The following ACYP2 variants were observed in gnomAD, a reference collection of about 807,000 sequenced individuals.
ACYP2 encodes the protein acylphosphatase 2.
ACYP2 carries 12 observed loss-of-function variants against 11.2 expected under a neutral mutation model. That is an observed-to-expected ratio of 1.08 (90% CI 0.69 to 1.74). The LOEUF is 1.74. ACYP2 is among the 40% of genes most tolerant of loss of function. The probability of loss-of-function intolerance (pLI) is 0.00; values close to 1 mark genes in which losing one functional copy is unlikely to be tolerated. For synonymous variants in ACYP2, 43 were observed against 32.2 expected (o/e 1.33, Z -1.13); for missense variants, 134 against 101.9 (o/e 1.31, Z -1.35).
intron 4 of ACYP2, among the ~76,000 whole-genome samples, chr2:54,103,589 T>G (rs1679013792): frequency 6.6e-6 from 1 of 152,234 alleles, no homozygotes; most frequent in Admixed American, 6.5e-5. Flanking sequence ...ACTAAATAGT[T>G]GTATGGCTTA....
At chr2:54,207,655 A>G (rs1685137088) in intron 6 of ACYP2, among the ~76,000 whole-genome samples, 1 of 152,204 alleles carries the variant, frequency 6.6e-6, no homozygotes, top group South Asian at 2.1e-4. Context: ...TAGCATTTTT[A>G]CTAACTTGGA....
intron 6 of ACYP2, among the ~76,000 whole-genome samples, chr2:54,242,101 A>C (rs1055323048): frequency 3.3e-5 from 5 of 152,236 alleles, no homozygotes; most frequent in African/African-American, 1.2e-4. Context: ...TGCAGACGCT[A>C]TGACTATATT....
At chr2:54,086,989 CA>C (rs1431074520) in intron 4 of ACYP2, among the ~76,000 whole-genome samples, 1 of 152,200 alleles carries the variant, frequency 6.6e-6, no homozygotes, top group Non-Finnish European at 1.5e-5. Flanking sequence ...GATCTACAGG[CA>C]ACTAGTAGAG....
At chr2:54,277,976 TTATTTATTTATG>T (rs1688680799) in intron 6 of ACYP2, among the ~76,000 whole-genome samples, 1 of 152,004 alleles carries the variant, frequency 6.6e-6, no homozygotes, top group Non-Finnish European at 1.5e-5. Flanking sequence ...ATTAATTAAT[TTATTTATTTATG>T]TATTTATTTA....
chr2:54,174,418 T>C (rs554511593), intron 6 of ACYP2, among the ~76,000 whole-genome samples: 143 of 152,310 alleles, frequency 9.4e-4, no homozygotes, highest in Admixed American at 1.7e-3. Flanking sequence ...CTTAAGGAGA[T>C]TTTGGGCTGA....
chr2:54,004,645 T>C (rs898588947), intron 2 of ACYP2, among the ~76,000 whole-genome samples: 4 of 149,042 alleles, frequency 2.7e-5, no homozygotes, highest in South Asian at 4.2e-4. Context: ...CTCCTGACCT[T>C]GTGATCGGCC....
chr2:54,180,308 C>A (rs540567150), intron 6 of ACYP2, among the ~76,000 whole-genome samples: 1 of 151,694 alleles, frequency 6.6e-6, no homozygotes, highest in Non-Finnish European at 1.5e-5. Context: ...AATCATTGGC[C>A]ATTGGAGATC....
chr2:53,986,984 G>A (rs1324170677), intron 2 of ACYP2, among the ~76,000 whole-genome samples: 1 of 152,112 alleles, frequency 6.6e-6, no homozygotes, highest in Non-Finnish European at 1.5e-5. Context: ...AACACAAATG[G>A]ACTAGGACAA....
chr2:54,038,693 A>G (rs1424197458), intron 2 of ACYP2, among the ~76,000 whole-genome samples: 2 of 43,336 alleles, frequency 4.6e-5, no homozygotes, highest in African/African-American at 1.4e-4. Flanking sequence ...ATATATATAT[A>G]TATATATATA....
At chr2:54,110,070 G>C (rs1056774883) in intron 4 of ACYP2, among the ~76,000 whole-genome samples, 9 of 152,116 alleles carry the variant, frequency 5.9e-5, no homozygotes, top group Non-Finnish European at 1.3e-4. Flanking sequence ...AGGATTACTA[G>C]TCAGGCATTT....
chr2:54,231,798 G>C (rs927894626), intron 6 of ACYP2, among the ~76,000 whole-genome samples: 2 of 152,066 alleles, frequency 1.3e-5, no homozygotes, highest in East Asian at 3.9e-4. Context: ...CCTGCCTCTC[G>C]GGCACGCCAC....
intron 6 of ACYP2, among the ~76,000 whole-genome samples, chr2:54,176,352 G>C (rs1247818288): frequency 6.6e-6 from 1 of 152,166 alleles, no homozygotes; most frequent in Non-Finnish European, 1.5e-5. Flanking sequence ...CAGCCATCTT[G>C]AACTGTGAGA....
Position 54,200,823 on chromosome 2 carries a change from A to G in ACYP2, c.404+62075A>G, listed in dbSNP as rs190667216. 1.5e-3 allele frequency among the ~76,000 whole-genome samples: 224 copies of G among 152,304 alleles called. 1 individual carries two copies. Among genetic ancestry groups the G allele is most frequent in the African/African-American group, 5.2e-3 (218 of 41,566 alleles). On this transcript the variant is annotated intron_variant, in intron 6 of 6. Coordinates refer to ENST00000607452, the MANE Select transcript of ACYP2 (RefSeq NM_001320586.2). ...CAACTCTATGTTAACTTTTTGAGGA[A>G]CTGCCAGGCTGTTTTCCAAAAGTGT...
At chr2:54,177,771 G>T (rs1334129257) in intron 6 of ACYP2, among the ~76,000 whole-genome samples, 1 of 151,766 alleles carries the variant, frequency 6.6e-6, no homozygotes, top group Admixed American at 6.6e-5. Context: ...TAGAGACAGG[G>T]TTTTACCATG....
chr2:54,036,172 G>A (rs1336601105), intron 2 of ACYP2, among the ~76,000 whole-genome samples: 2 of 152,154 alleles, frequency 1.3e-5, no homozygotes, highest in Non-Finnish European at 2.9e-5. Flanking sequence ...TTGGCTCACT[G>A]TAGCCTCTGC....
At chr2:54,115,969 G>T (rs992398508) in intron 4 of ACYP2, among the ~76,000 whole-genome samples, 1 of 152,040 alleles carries the variant, frequency 6.6e-6, no homozygotes, top group African/African-American at 2.4e-5. Context: ...GGAGGGAAGT[G>T]GGGGAGCGGG....
At chr2:54,153,274 A>T (rs79806462) in intron 6 of ACYP2, among the ~76,000 whole-genome samples, 1 of 148,590 alleles carries the variant, frequency 6.7e-6, no homozygotes, top group Non-Finnish European at 1.5e-5. Context: ...AAAAAAAAAA[A>T]TCAGTTGACT....
chr2:54,159,599 G>A (rs560181863), intron 6 of ACYP2, among the ~76,000 whole-genome samples: 1 of 152,202 alleles, frequency 6.6e-6, no homozygotes, highest in South Asian at 2.1e-4. Context: ...CCTCTGCTAG[G>A]TGCTAAGGGG....
intron 4 of ACYP2, chr2:54,084,669 C>T (rs1239736597): frequency 6.6e-6 from 1 of 152,220 alleles, no homozygotes; most frequent in Non-Finnish European, 1.5e-5. Flanking sequence ...ATCACATTCA[C>T]AACCACTGAA....
Sources: allele counts gnomAD v4.1 joint callset (sites outside exome capture counted in the v4.1 genomes callset), GRCh38; gene constraint gnomAD v4.1.1; transcripts MANE v1.5; gene names NCBI Gene and HGNC (gene_info 2026-07-23, HGNC 2026-07-21).